SPAG16: variants seen among roughly 807,000 people sequenced by gnomAD.
The protein encoded by SPAG16 is sperm associated antigen 16.
A neutral mutation model predicts 80.4 loss-of-function variants in SPAG16; 86 were observed. The observed-to-expected ratio is 1.07, with a 90% CI of 0.90 to 1.28. The LOEUF is 1.28. Among genes scored for constraint, SPAG16 ranks in the 50% most tolerant of loss-of-function variants. The pLI, the probability that SPAG16 is intolerant of heterozygous loss-of-function variation, is 0.00. For synonymous variants in SPAG16, 294 were observed against 265.9 expected (o/e 1.11, Z -1.03); for missense variants, 870 against 765.3 (o/e 1.14, Z -1.61).
intron 10 of SPAG16, among the ~76,000 whole-genome samples, chr2:213,733,599 G>C (rs1364880565): frequency 6.6e-6 from 1 of 150,980 alleles, no homozygotes; most frequent in Non-Finnish European, 1.5e-5. Flanking sequence ...CAAGACTATG[G>C]CCTCCAAGAC....
rs1194796146 is a variant in SPAG16 at position 213,416,100 on chromosome 2, A to G, written c.942+40981A>G. Among the ~76,000 whole-genome samples, 4 of 152,234 alleles carry G rather than the reference A, an allele frequency of 2.6e-5. No individual in the cohort carries two copies. The East Asian group carries it at 7.7e-4, about 29-fold the overall frequency. On this transcript the variant is annotated intron_variant, in intron 9 of 15. Coordinates refer to ENST00000331683, the MANE Select transcript of SPAG16 (RefSeq NM_024532.5). The stretch of plus-strand genomic sequence containing the variant: ...ACCTGATGAGCAGGATGTCACATAC[A>G]GTGAGTTTGCTGGCCCATGGCTGTA...
At chr2:214,235,389 AAT>A (rs1381307405) in intron 15 of SPAG16, among the ~76,000 whole-genome samples, 8 of 152,140 alleles carry the variant, frequency 5.3e-5, no homozygotes, top group Non-Finnish European at 1.0e-4. Context: ...TCCTGAAATA[AAT>A]ATTATACCAT....
chr2:214,410,171 T>G lies in SPAG16; in HGVS notation c.1752T>G (p.Gly584=), dbSNP rs1702222397. ...TTTTAGCTCAGGCAAGTGGCAATGG[T>G]GTTATCCATTTGCTAGATCTTAAAT... The part of the protein sequence containing the change: ...GRVLAQASGN[G]VIHLLDLKSG... The change falls in exon 16 of 16, where the codon GGT becomes GGG. Residue 584 remains glycine (G), a synonymous_variant. Transcript: ENST00000331683. The G allele has an allele frequency of 6.2e-7, 1 of 1,613,786 alleles. No individual in the cohort carries two copies. Among genetic ancestry groups the G allele is most frequent in the African/African-American group, 1.3e-5 (1 of 74,926 alleles).
intron 11 of SPAG16, among the ~76,000 whole-genome samples, chr2:213,875,604 T>C (rs779602932): frequency 1.3e-5 from 2 of 152,174 alleles, no homozygotes; most frequent in Non-Finnish European, 2.9e-5. Context: ...AATTTCACTC[T>C]TTTGGGTCTT....
intron 15 of SPAG16, among the ~76,000 whole-genome samples, chr2:214,292,039 G>GT (rs1269767752): frequency 1.3e-5 from 2 of 152,110 alleles, no homozygotes; most frequent in African/African-American, 4.8e-5. Context: ...TGAGTGGGAA[G>GT]TTTGTTTTTT....
chr2:213,857,423 A>T (rs1392202205), intron 10 of SPAG16, among the ~76,000 whole-genome samples: 1 of 152,144 alleles, frequency 6.6e-6, no homozygotes, highest in Admixed American at 6.5e-5. Context: ...AAATCCTAGG[A>T]TCTTTAAGAT....
chr2:213,557,560 A>G (rs2059465857), intron 10 of SPAG16, among the ~76,000 whole-genome samples: 1 of 152,158 alleles, frequency 6.6e-6, no homozygotes, highest in Admixed American at 6.5e-5. Context: ...TGAAAAGTAA[A>G]GGCAAGAAAA....
chr2:214,267,536 A>G (rs1166325283), intron 15 of SPAG16, among the ~76,000 whole-genome samples: 1 of 151,846 alleles, frequency 6.6e-6, no homozygotes, highest in Non-Finnish European at 1.5e-5. Context: ...CTGAAACTAT[A>G]AAACTATTAA....
chr2:213,896,701 C>A (rs2077009756), intron 11 of SPAG16, among the ~76,000 whole-genome samples: 2 of 151,540 alleles, frequency 1.3e-5, no homozygotes, highest in Admixed American at 6.6e-5. Flanking sequence ...GATAGAATAT[C>A]ATTTAGCTAT....
chr2:213,705,449 G>GT (rs1378039639), intron 10 of SPAG16, among the ~76,000 whole-genome samples: 4 of 149,278 alleles, frequency 2.7e-5, no homozygotes, highest in South Asian at 2.1e-4. Context: ...TGTTTGTTTT[G>GT]TTTTTTCCAA....
At chr2:214,225,312 G>A (rs111438216) in intron 15 of SPAG16, among the ~76,000 whole-genome samples, 21 of 152,204 alleles carry the variant, frequency 1.4e-4, no homozygotes, top group African/African-American at 4.3e-4. Flanking sequence ...TCATTGGACA[G>A]TCTTACATTT....
intron 10 of SPAG16, among the ~76,000 whole-genome samples, chr2:213,839,626 A>T (rs1434069703): frequency 3.3e-5 from 5 of 152,018 alleles, no homozygotes; most frequent in African/African-American, 7.2e-5. Flanking sequence ...ATTTTTTTTT[A>T]AATTATGGAA....
intron 14 of SPAG16, among the ~76,000 whole-genome samples, chr2:214,133,129 TA>T (rs71037345): frequency 7.1e-6 from 1 of 141,404 alleles, no homozygotes; most frequent in African/African-American, 2.6e-5. Flanking sequence ...TAAATAATAA[TA>T]AAAAAAAAAC....
intron 15 of SPAG16, among the ~76,000 whole-genome samples, chr2:214,163,750 G>A (rs72939951): frequency 6.6e-6 from 1 of 151,776 alleles, no homozygotes; most frequent in Non-Finnish European, 1.5e-5. Flanking sequence ...CAGTCTAGAG[G>A]CTCAGAAAAA....
chr2:213,956,099 G>A (rs539652425), intron 12 of SPAG16, among the ~76,000 whole-genome samples: 1 of 150,928 alleles, frequency 6.6e-6, no homozygotes, highest in South Asian at 2.1e-4. Context: ...TTGGGATTAC[G>A]CATTCACCAC....
intron 10 of SPAG16, among the ~76,000 whole-genome samples, chr2:213,828,169 G>A (rs1286630974): frequency 6.6e-6 from 1 of 152,068 alleles, no homozygotes; most frequent in Non-Finnish European, 1.5e-5. Flanking sequence ...GCCCTTTTGA[G>A]CCTATTTTCT....
intron 10 of SPAG16, among the ~76,000 whole-genome samples, chr2:213,690,701 G>A (rs1306406414): frequency 6.6e-6 from 1 of 152,216 alleles, no homozygotes; most frequent in Non-Finnish European, 1.5e-5. Context: ...AGCTTGTTGA[G>A]TCTTTTTGCT....
intron 13 of SPAG16, among the ~76,000 whole-genome samples, chr2:214,017,390 T>A (rs1391177422): frequency 6.6e-6 from 1 of 152,190 alleles, no homozygotes; most frequent in African/African-American, 2.4e-5. Context: ...GGAATATCCA[T>A]AGAGAAAATA....
intron 11 of SPAG16, among the ~76,000 whole-genome samples, chr2:213,912,994 A>G (rs754862427): frequency 1.4e-4 from 21 of 152,136 alleles, no homozygotes; most frequent in Non-Finnish European, 2.1e-4. Context: ...CCTAGAGACA[A>G]TCAATCAACC....
Sources: gnomAD v4.1 joint callset for allele counts (sites outside exome capture counted in the v4.1 genomes callset) on GRCh38, gnomAD v4.1.1 for gene constraint, MANE v1.5 for transcripts, NCBI Gene and HGNC (gene_info 2026-07-23, HGNC 2026-07-21) for gene names.